Variants in CCDC90B observed in about 807,000 individuals in gnomAD.
CCDC90B encodes the protein coiled-coil domain-containing protein 90B, mitochondrial.
Under a neutral mutation model 37.0 loss-of-function variants are expected in CCDC90B, and 24 were observed. That is an observed-to-expected ratio of 0.65 (90% CI 0.47 to 0.91). The LOEUF (loss-of-function observed/expected upper bound fraction) is 0.91, where lower values mean the gene tolerates loss of function less well. Ranked by LOEUF, CCDC90B falls within the 40% of genes least tolerant of loss-of-function variation. The pLI, the probability that CCDC90B is intolerant of heterozygous loss-of-function variation, is 0.00. For missense variants in CCDC90B, 319 were observed against 299.0 expected (o/e 1.07, Z -0.49); for synonymous variants, 113 against 101.1 (o/e 1.12, Z -0.71).
intron 1 of CCDC90B, among the ~76,000 whole-genome samples, chr11:83,284,530 G>C (rs953064735): frequency 6.6e-6 from 1 of 152,096 alleles, no homozygotes; most frequent in Non-Finnish European, 1.5e-5. Context: ...GAATAACTAA[G>C]GTCCTTCCAT....
chr11:83,280,084 C>G (rs1865294447), intron 2 of CCDC90B, 57 bp downstream of exon 2: 2 of 1,556,082 alleles, frequency 1.3e-6, no homozygotes, highest in Admixed American at 1.8e-5. Context: ...ATTGTCTTAA[C>G]TAGGCATTAT....
intron 7 of CCDC90B, among the ~76,000 whole-genome samples, chr11:83,267,746 G>A (rs897877803): frequency 3.3e-5 from 5 of 152,062 alleles, no homozygotes; most frequent in African/African-American, 1.2e-4. Context: ...TCAAATTCAG[G>A]AAATACAAAG....
At chr11:83,274,522 A>AC in intron 4 of CCDC90B, 117 bp downstream of exon 4, 2 of 577,474 alleles carry the variant, frequency 3.5e-6, no homozygotes, top group Non-Finnish European at 3.0e-6. Context: ...AAATCTAAAA[A>AC]CTTATTGTTT....
chr11:83,273,923 T>C lies in CCDC90B; in HGVS notation c.468+28A>G, dbSNP rs368936447. 120 of 1,586,966 alleles carry C rather than the reference T, an allele frequency of 7.6e-5. 1 individual carries two copies. In the African/African-American group the frequency reaches 1.3e-3, roughly 17 times the overall value. On this transcript the variant is annotated intron_variant, in intron 5 of 8. Coordinates refer to ENST00000529689, the MANE Select transcript of CCDC90B (RefSeq NM_021825.5). ...CTTGTAACGAATATTTGTTCTGAAATTAACAGCTAGAAAAAAAATTCACTT... is the reference window on the plus strand; with the variant it reads ...CTTGTAACGAATATTTGTTCTGAAACTAACAGCTAGAAAAAAAATTCACTT...
At chr11:83,266,604 G>T (rs1864290916) in intron 7 of CCDC90B, among the ~76,000 whole-genome samples, 1 of 152,118 alleles carries the variant, frequency 6.6e-6, no homozygotes, top group Non-Finnish European at 1.5e-5. Context: ...TGGCAGGGGA[G>T]CTTGAACTGG....
At chr11:83,267,966 T>C (rs1296838736) in intron 7 of CCDC90B, among the ~76,000 whole-genome samples, 1 of 149,670 alleles carries the variant, frequency 6.7e-6, no homozygotes, top group Non-Finnish European at 1.5e-5. Flanking sequence ...AACATTCTTA[T>C]AGAATTTTCA....
Position 83,286,009 on chromosome 11 carries a change from C to T in CCDC90B, c.-37G>A, listed in dbSNP as rs780813556. The stretch of plus-strand genomic sequence containing the variant: ...TTTCCGGTGGGAGGGAGGCGGAAGA[C>T]GGGGTAAATCTCGCACAGGCTTTCG... On this transcript the variant is annotated 5_prime_UTR_variant, in exon 1 of 9. Transcript: ENST00000529689. The T allele has an allele frequency of 6.3e-7, 1 of 1,582,230 alleles. No individual in the cohort carries two copies. Among genetic ancestry groups the T allele is most frequent in the Middle Eastern group, 1.7e-4 (1 of 6,022 alleles).
At chr11:83,284,697 C>G (rs1170969674) in intron 1 of CCDC90B, among the ~76,000 whole-genome samples, 2 of 152,222 alleles carry the variant, frequency 1.3e-5, no homozygotes, top group African/African-American at 4.8e-5. Flanking sequence ...CAAGAACACT[C>G]AGATTCAAGT....
chr11:83,283,775 A>G (rs1865527755), intron 1 of CCDC90B, among the ~76,000 whole-genome samples: 1 of 152,136 alleles, frequency 6.6e-6, no homozygotes, highest in Non-Finnish European at 1.5e-5. Context: ...CAGCCTGGGC[A>G]ACGTGGGAAG....
At chr11:83,268,010 CATA>C (rs1864398869) in intron 7 of CCDC90B, among the ~76,000 whole-genome samples, 1 of 152,120 alleles carries the variant, frequency 6.6e-6, no homozygotes, top group South Asian at 2.1e-4. Flanking sequence ...AACTAAGCCT[CATA>C]AGTGAAGGAG....
intron 1 of CCDC90B, among the ~76,000 whole-genome samples, chr11:83,282,724 T>C (rs772082571): frequency 2.6e-5 from 4 of 152,240 alleles, no homozygotes; most frequent in Non-Finnish European, 5.9e-5. Context: ...TCAGTCTGAA[T>C]GTTTCTTCCT....
chr11:83,273,151 T>A (rs1267792776), intron 7 of CCDC90B: 1 of 152,160 alleles, frequency 6.6e-6, no homozygotes, highest in South Asian at 2.1e-4. Flanking sequence ...ATAGCTTTTT[T>A]AAAACCTTAA....
chr11:83,286,091 C>T lies in CCDC90B; in HGVS notation c.-119G>A, dbSNP rs995498696. 3.9e-6 allele frequency: 6 copies of T among 1,537,406 alleles called. No homozygotes were observed. The African/African-American group carries it at 4.1e-5, about 11-fold the overall frequency. ...GGGAATTGTAGTTTTCGCTCTGTCA[C>T]AAGCTCACCTCCCAGCGCAGGCGCC... On this transcript the variant is annotated 5_prime_UTR_variant, in exon 1 of 9. It adds an upstream start codon to the 5' untranslated region. Coordinates refer to ENST00000529689, the MANE Select transcript of CCDC90B (RefSeq NM_021825.5).
At chr11:83,270,405 C>T (rs1225004167) in intron 7 of CCDC90B, among the ~76,000 whole-genome samples, 1 of 152,166 alleles carries the variant, frequency 6.6e-6, no homozygotes, top group Non-Finnish European at 1.5e-5. Flanking sequence ...GAAAACCCCA[C>T]TGTCACAGCC....
At chr11:83,273,288 C>G in intron 7 of CCDC90B, 2 of 136,820 alleles carry the variant, frequency 1.5e-5, no homozygotes, top group Non-Finnish European at 3.0e-5. Flanking sequence ...CAGGGTCTTG[C>G]TATGTTGCCC....
At chr11:83,265,583 C>A (rs1009496608) in intron 8 of CCDC90B, among the ~76,000 whole-genome samples, 1 of 152,142 alleles carries the variant, frequency 6.6e-6, no homozygotes, top group Non-Finnish European at 1.5e-5. Context: ...AGAAGCTTAA[C>A]ATTTAGAACT....
rs777114548 is a variant in CCDC90B, at chr11:83,274,792, A to G, written c.325-52T>C. 1.3e-5 allele frequency: 15 copies of G among 1,131,516 alleles called. 1 individual carries two copies. The African/African-American group carries it at 1.9e-4, about 14-fold the overall frequency. 70.1% of individuals were successfully genotyped at this position (1,131,516 alleles called of 1,614,324 possible). A position where few individuals can be genotyped will look rare whatever the true frequency, so the allele number is the denominator to read the frequency against. ...GTGATCTATAGAAAGCCATCTTTTT[A>G]TTTACAGAATTGTTTTCATGAAATT... On this transcript the variant is annotated intron_variant, in intron 3 of 8. Transcript: ENST00000529689.
chr11:83,279,114 T>C (rs1218840769), intron 2 of CCDC90B, among the ~76,000 whole-genome samples: 1 of 152,060 alleles, frequency 6.6e-6, no homozygotes, highest in Non-Finnish European at 1.5e-5. Context: ...AAACCCCATC[T>C]GTACTAAATA....
At position 83,286,262 on chromosome 11, in the gene CCDC90B, C is replaced by CTG. The variant is rs770584127; in HGVS notation, c.-291_-290insCA. 9.6e-5 allele frequency: 135 copies of CTG among 1,404,352 alleles called. 1 individual carries two copies. The highest frequency in any genetic ancestry group is 1.2e-4 in the Non-Finnish European group (128 of 1,039,348). The allele number at this position is 1,404,352 out of a possible 1,614,324, so 87.0% of individuals were successfully genotyped here. A position where few individuals can be genotyped will look rare whatever the true frequency, so the allele number is the denominator to read the frequency against. On this transcript the variant is annotated 5_prime_UTR_variant, in exon 1 of 9. It removes the in-frame stop codon of an upstream open reading frame in the 5' UTR. Transcript: ENST00000529689. ...GGAAAGCGAGATCTTGTCAGAGAAC[C>CTG]TTCCGGCGCCTGTTTCCTGGCAGTG...
Sources: allele counts gnomAD v4.1 joint callset (sites outside exome capture counted in the v4.1 genomes callset), GRCh38; gene constraint gnomAD v4.1.1; transcripts MANE v1.5; gene names NCBI Gene and HGNC (gene_info 2026-07-23, HGNC 2026-07-21).